ASB15: variants seen among roughly 807,000 people sequenced by gnomAD.
The protein encoded by ASB15 is ankyrin repeat and SOCS box protein 15.
ASB15 carries 54 observed loss-of-function variants against 58.0 expected under a neutral mutation model. The ratio of observed to expected loss-of-function variants is 0.93; its 90% CI spans 0.75 to 1.17. The LOEUF is 1.17. ASB15 is among the 50% of genes most tolerant of loss of function. The pLI is 0.00. For missense variants in ASB15, 680 were observed against 707.4 expected (o/e 0.96, Z 0.44); for synonymous variants, 249 against 262.4 (o/e 0.95, Z 0.50).
At chr7:123,635,755 CAGG>C (rs1802394173) in intron 11 of ASB15, among the ~76,000 whole-genome samples, 1 of 150,768 alleles carries the variant, frequency 6.6e-6, no homozygotes, top group Non-Finnish European at 1.5e-5. Flanking sequence ...CACTGGATGT[CAGG>C]AGTCCTCCAG....
At chr7:123,620,403 A>G (rs1317712596) in intron 7 of ASB15, 1 of 149,636 alleles carries the variant, frequency 6.7e-6, no homozygotes, top group Non-Finnish European at 1.5e-5. Flanking sequence ...GACACTTTTC[A>G]TAAATAAACC....
chr7:123,584,875 C>T (rs1170889567), intron 1 of ASB15: 1 of 151,766 alleles, frequency 6.6e-6, no homozygotes, highest in Non-Finnish European at 1.5e-5. Flanking sequence ...GGGTGAGAGT[C>T]AATATTTTAA....
At chr7:123,602,317 G>A (rs938962770) in intron 1 of ASB15, among the ~76,000 whole-genome samples, 1 of 151,994 alleles carries the variant, frequency 6.6e-6, no homozygotes, top group African/African-American at 2.4e-5. Context: ...TTCATCACTT[G>A]TTGAAAAAGA....
At chr7:123,569,967 T>G (rs1223372844) in intron 1 of ASB15, among the ~76,000 whole-genome samples, 5 of 151,754 alleles carry the variant, frequency 3.3e-5, no homozygotes, top group Non-Finnish European at 7.4e-5. Context: ...AAGGAAAAAC[T>G]GCACTATGAT....
intron 6 of ASB15, 150 bp from the exon 7 acceptor site, chr7:123,617,429 C>A: frequency 1.4e-6 from 1 of 702,798 alleles, no homozygotes. Flanking sequence ...TTATCCTCAC[C>A]GTCATTTGGT....
At position 123,637,307 on chromosome 7, in the gene ASB15, A is replaced by C. The variant is rs2116702963; in HGVS notation, c.*326A>C. 1 of 171,714 alleles carries C rather than the reference A, an allele frequency of 5.8e-6. No individual in the cohort carries two copies. The highest frequency in any genetic ancestry group is 1.8e-4 in the East Asian group (1 of 5,686). 10.6% of individuals were successfully genotyped at this position (171,714 alleles called of 1,614,324 possible). On this transcript the variant is annotated 3_prime_UTR_variant, in exon 12 of 12. Transcript: ENST00000451215. ...CCACTTTCTCAAACCCACATCTGCCAGTTGCTGGCCAGATTCTCCTGTCTT... is the reference window on the plus strand; with the variant it reads ...CCACTTTCTCAAACCCACATCTGCCCGTTGCTGGCCAGATTCTCCTGTCTT...
At position 123,630,063 on chromosome 7, in the gene ASB15, A is replaced by C; in HGVS notation, c.1538A>C (p.Lys513Thr). The C allele has an allele frequency of 6.2e-7, 1 of 1,609,440 alleles. No individual in the cohort carries two copies. ...DYMDYVPLCA[K>T]LKSALEVQRE... Reference sequence around the variant, plus strand: ...ATGGATTATGTTCCTCTGTGTGCTAAACTGAAGTCTGCACTAGAAGTACAG... The same window carrying C: ...ATGGATTATGTTCCTCTGTGTGCTACACTGAAGTCTGCACTAGAAGTACAG... Residue 513 changes from lysine (K) to threonine (T), a missense_variant, in exon 11 of 12, where the codon AAA (lysine) becomes ACA (threonine). Transcript: ENST00000451215.
At chr7:123,583,346 G>C (rs1405931515) in intron 1 of ASB15, among the ~76,000 whole-genome samples, 1 of 151,948 alleles carries the variant, frequency 6.6e-6, no homozygotes, top group Non-Finnish European at 1.5e-5. Flanking sequence ...GATATCATGG[G>C]AAGTGGGAAC....
intron 7 of ASB15, among the ~76,000 whole-genome samples, chr7:123,618,601 C>T (rs140047624): frequency 5.1e-4 from 77 of 151,730 alleles, no homozygotes; most frequent in Non-Finnish European, 9.3e-4. Context: ...GTCTGTGTGG[C>T]GGGAGGAGGA....
chr7:123,576,384 T>C (rs779637331), intron 1 of ASB15, among the ~76,000 whole-genome samples: 4 of 152,114 alleles, frequency 2.6e-5, no homozygotes, highest in Non-Finnish European at 5.9e-5. Context: ...TGATCATAAT[T>C]TTCATCTGTT....
intron 9 of ASB15, among the ~76,000 whole-genome samples, 199 bp from the exon 10 acceptor site, chr7:123,628,665 T>A (rs1801950139): frequency 1.3e-5 from 2 of 152,208 alleles, no homozygotes; most frequent in African/African-American, 4.8e-5. Context: ...AACAAAAAGC[T>A]AAATCAAAAC....
chr7:123,596,070 G>T (rs1006881246), intron 1 of ASB15, among the ~76,000 whole-genome samples: 1 of 151,920 alleles, frequency 6.6e-6, no homozygotes, highest in Admixed American at 6.6e-5. Context: ...TTTTTTCTCA[G>T]TACTTATACT....
intron 1 of ASB15, among the ~76,000 whole-genome samples, chr7:123,579,769 TTGGC>T (rs1562909538): frequency 1.3e-5 from 2 of 152,072 alleles, no homozygotes; most frequent in Non-Finnish European, 2.9e-5. Context: ...CATTGTGGAT[TTGGC>T]TTAAGACTCC....
At chr7:123,585,205 T>C (rs979700775) in intron 1 of ASB15, among the ~76,000 whole-genome samples, 1 of 151,794 alleles carries the variant, frequency 6.6e-6, no homozygotes, top group Non-Finnish European at 1.5e-5. Context: ...TTGAATTTTG[T>C]ACCAATCCCC....
At position 123,582,532 on chromosome 7, in the gene ASB15, A is replaced by G. The variant is rs535696774; in HGVS notation, c.-443+15444A>G. 5.3e-5 allele frequency among the ~76,000 whole-genome samples: 8 copies of G among 152,100 alleles called. No homozygotes were observed. In the South Asian group the frequency reaches 1.7e-3, roughly 32 times the overall value. ...CCTAAAGCTCCTGCTCATTGTCTGT[A>G]GGTTCCTCAATGCGTTCTGTGACCA... is the stretch of plus-strand genomic sequence containing the variant. On this transcript the variant is annotated intron_variant, in intron 1 of 13. Transcript: ENST00000451558.
chr7:123,569,358 T>G (rs936858009), intron 1 of ASB15, among the ~76,000 whole-genome samples: 1 of 151,960 alleles, frequency 6.6e-6, no homozygotes, highest in African/African-American at 2.4e-5. Flanking sequence ...CAGATACATG[T>G]AAATAGCAAG....
At chr7:123,623,931 A>G (rs13226481) in intron 7 of ASB15, among the ~76,000 whole-genome samples, 2,628 of 103,272 alleles carry the variant, frequency 0.025, 93 homozygotes, top group Admixed American at 0.036. Context: ...AGAAAGAAAG[A>G]AAAGAAAGAA....
chr7:123,599,786 G>A (rs143379709), upstream of ASB15, among the ~76,000 whole-genome samples: 20 of 152,236 alleles, frequency 1.3e-4, 1 homozygote, highest in East Asian at 1.5e-3. Context: ...GAAGGAATGC[G>A]TATTTGGATG....
chr7:123,580,895 T>TTCGGTTAAGTCC (rs1259151063), intron 1 of ASB15, among the ~76,000 whole-genome samples: 1 of 151,978 alleles, frequency 6.6e-6, no homozygotes, highest in Admixed American at 6.6e-5. Context: ...TCAGAGACCG[T>TTCGGTTAAGTCC]TCGGTTAAGT....
Sources: allele counts gnomAD v4.1 joint callset (sites outside exome capture counted in the v4.1 genomes callset), GRCh38; gene constraint gnomAD v4.1.1; transcripts MANE v1.5; gene names NCBI Gene and HGNC (gene_info 2026-07-23, HGNC 2026-07-21).